The following DNAH7 variants were observed in gnomAD, a reference collection of about 807,000 sequenced individuals.
The protein encoded by DNAH7 is dynein axonemal heavy chain 7, also known as axonemal beta dynein heavy chain 7.
A neutral mutation model predicts 444.6 loss-of-function variants in DNAH7; 397 were observed. The observed-to-expected ratio is 0.89, with a 90% confidence interval of 0.82 to 0.97. The LOEUF is 0.97. Among genes scored for constraint, DNAH7 ranks in the 50% least tolerant of loss-of-function variants. DNAH7 has a pLI of 0.00. For synonymous variants in DNAH7, 1,636 were observed against 1,624.4 expected (o/e 1.01, Z -0.17); for missense variants, 4,902 against 4,800.8 (o/e 1.02, Z -0.62).
At chr2:195,813,512 A>T (rs1175937967) in intron 51 of DNAH7, among the ~76,000 whole-genome samples, 1 of 152,198 alleles carries the variant, frequency 6.6e-6, no homozygotes, top group Non-Finnish European at 1.5e-5. Context: ...ACTTCAGTTA[A>T]GCTTATTTCA....
rs1042924864 is a variant in DNAH7 at position 195,990,420 on chromosome 2, C to T, written c.1354-2191G>A. On this transcript the variant is annotated intron_variant, in intron 12 of 64. Transcript: ENST00000312428. ...GCTCACACCTGTAATCCCAGCACTT[C>T]GGGAGGCCAAGGCAGGCAGATCACT... Among the ~76,000 whole-genome samples, 11 of 152,082 alleles carry T rather than the reference C, an allele frequency of 7.2e-5. No homozygotes were observed. The East Asian group carries it at 7.7e-4, about 11-fold the overall frequency.
intron 16 of DNAH7, among the ~76,000 whole-genome samples, chr2:195,971,623 G>T (rs1691848417): frequency 6.6e-6 from 1 of 152,164 alleles, no homozygotes; most frequent in Non-Finnish European, 1.5e-5. Flanking sequence ...GGGAGAATGT[G>T]CAGGAGACAA....
intron 63 of DNAH7, among the ~76,000 whole-genome samples, chr2:195,752,875 A>G (rs1693868805): frequency 6.6e-6 from 1 of 152,236 alleles, no homozygotes; most frequent in South Asian, 2.1e-4. Context: ...AGAGGGGATG[A>G]AAGGTAGATA....
At chr2:195,931,343 T>C (rs938054059) in intron 21 of DNAH7, among the ~76,000 whole-genome samples, 1 of 152,102 alleles carries the variant, frequency 6.6e-6, no homozygotes, top group Admixed American at 6.6e-5. Flanking sequence ...GATGAGTAGG[T>C]TGCGAAAATT....
At position 196,051,254 on chromosome 2, in the gene DNAH7, G is replaced by A; in HGVS notation, c.79-5C>T. On this transcript the variant is annotated splice_region_variant and splice_polypyrimidine_tract_variant and intron_variant, in intron 2 of 64. Transcript: ENST00000312428. ...TTCTTTGCTGGCTAATTTCTCCTGTGTGAAAAATATGAAGGGGAAAAAAGT... is the reference window on the plus strand; with the variant it reads ...TTCTTTGCTGGCTAATTTCTCCTGTATGAAAAATATGAAGGGGAAAAAAGT... The A allele has an allele frequency of 1.2e-6, 2 of 1,613,288 alleles. No homozygotes were observed. The highest frequency in any genetic ancestry group is 8.5e-7 in the Non-Finnish European group (1 of 1,179,436).
At chr2:195,952,425 G>T (rs1474606007) in intron 19 of DNAH7, among the ~76,000 whole-genome samples, 1 of 152,082 alleles carries the variant, frequency 6.6e-6, no homozygotes, top group Non-Finnish European at 1.5e-5. Context: ...TCTTCTCGAG[G>T]AGTATCTCTG....
intron 5 of DNAH7, among the ~76,000 whole-genome samples, chr2:196,031,513 A>G (rs766934151): frequency 1.1e-4 from 16 of 152,154 alleles, no homozygotes; most frequent in Admixed American, 6.5e-4. Context: ...TTCCTATCGT[A>G]TCGTCAGGCT....
intron 21 of DNAH7, among the ~76,000 whole-genome samples, chr2:195,932,439 C>T (rs952461638): frequency 2.0e-5 from 3 of 152,168 alleles, no homozygotes; most frequent in African/African-American, 7.2e-5. Flanking sequence ...CTGGCCAGAA[C>T]TTCCAACACT....
intron 53 of DNAH7, 78 bp from the exon 54 acceptor site, chr2:195,806,910 T>A: frequency 9.6e-7 from 1 of 1,044,398 alleles, no homozygotes; most frequent in South Asian, 1.5e-5. Context: ...AACCAACTTT[T>A]AGAATATATA....
At chr2:195,897,911 G>T in intron 28 of DNAH7, 146 bp from the exon 29 acceptor site, 1 of 451,288 alleles carries the variant, frequency 2.2e-6, no homozygotes, top group Non-Finnish European at 4.0e-6. Context: ...GGATTGTTAT[G>T]AATTTTAGAA....
Position 195,943,768 on chromosome 2 carries a change from A to T in DNAH7, c.3079-6976T>A, listed in dbSNP as rs138789536. Among the ~76,000 whole-genome samples, 216 of 152,168 alleles carry T rather than the reference A, an allele frequency of 1.4e-3. 3 individuals are homozygous for T. Among genetic ancestry groups the T allele is most frequent in the East Asian group, 6.6e-3 (34 of 5,188 alleles). ...CTTTCTCAGATTATTAATTGCTTTA[A>T]CTCTCAAATGTTCTCCAATTTGGAC... is the stretch of plus-strand genomic sequence containing the variant. On this transcript the variant is annotated intron_variant, in intron 19 of 64. Coordinates refer to ENST00000312428, the MANE Select transcript of DNAH7 (RefSeq NM_018897.3).
At chr2:195,849,179 G>T (rs898534584) in intron 46 of DNAH7, among the ~76,000 whole-genome samples, 1 of 152,062 alleles carries the variant, frequency 6.6e-6, no homozygotes, top group African/African-American at 2.4e-5. Flanking sequence ...GTCCAAGTTT[G>T]GCCAGTGGGA....
chr2:195,776,982 T>C (rs1220489788), intron 59 of DNAH7, among the ~76,000 whole-genome samples: 1 of 152,180 alleles, frequency 6.6e-6, no homozygotes, highest in South Asian at 2.1e-4. Context: ...CCAGCTCCCA[T>C]GTTGACTTGC....
intron 14 of DNAH7, 62 bp from the exon 15 acceptor site, chr2:195,984,772 T>G (rs901018645): frequency 1.2e-5 from 16 of 1,374,518 alleles, no homozygotes; most frequent in Non-Finnish European, 1.7e-5. Context: ...CAAAATATAT[T>G]CCTGTATACT....
chr2:195,918,426 T>C lies in DNAH7; in HGVS notation c.3935+3662A>G, dbSNP rs1294565168. ...ATCCAGCAATCATGCTCCTAGTTAT[T>C]TACCCAAATGAGTTTAAAACGATGT... On this transcript the variant is annotated intron_variant, in intron 24 of 64. Transcript: ENST00000312428. Among the ~76,000 whole-genome samples the C allele has an allele frequency of 2.0e-5, 3 of 152,346 alleles. No homozygotes were observed. In the East Asian group the frequency reaches 5.8e-4, roughly 29 times the overall value.
intron 21 of DNAH7, among the ~76,000 whole-genome samples, chr2:195,933,085 C>T (rs1192300567): frequency 6.6e-6 from 1 of 152,070 alleles, no homozygotes. Context: ...TAATTATTGC[C>T]TCAATTTCAG....
intron 54 of DNAH7, 129 bp from the exon 55 acceptor site, chr2:195,799,601 G>A (rs1273613784): frequency 1.4e-5 from 9 of 621,736 alleles, no homozygotes; most frequent in Non-Finnish European, 2.2e-5. Context: ...ATTAATGGTG[G>A]GGAGTCCAAG....
intron 7 of DNAH7, among the ~76,000 whole-genome samples, chr2:196,025,956 C>G (rs765824410): frequency 1.9e-4 from 29 of 152,146 alleles, no homozygotes; most frequent in Non-Finnish European, 4.0e-4. Context: ...TTCCAAGGCC[C>G]TGACTCCAGG....
At position 195,777,893 on chromosome 2, in the gene DNAH7, G is replaced by C; in HGVS notation, c.10971C>G (p.Ser3657Arg). 3.7e-6 allele frequency: 6 copies of C among 1,614,196 alleles called. No homozygotes were observed. Among genetic ancestry groups the C allele is most frequent in the Non-Finnish European group, 5.1e-6 (6 of 1,180,010 alleles). ...TDDWDRRTLR[S>R]ILNKFFNPEL... ...CGGGATTGAAGAATTTGTTTAGAAT[G>C]CTGCGCAGCGTGCGCCGGTCCCAGT... The change falls in exon 59 of 65, where the codon AGC (serine) becomes AGG (arginine). Residue 3657 changes from serine (S) to arginine (R), a missense_variant. Coordinates refer to ENST00000312428, the MANE Select transcript of DNAH7 (RefSeq NM_018897.3).
Sources: gnomAD v4.1 joint callset for allele counts (sites outside exome capture counted in the v4.1 genomes callset) on GRCh38, gnomAD v4.1.1 for gene constraint, MANE v1.5 for transcripts, NCBI Gene and HGNC (gene_info 2026-07-23, HGNC 2026-07-21) for gene names.